TENM3: variants seen among roughly 807,000 people sequenced by gnomAD.
TENM3 encodes the protein teneurin-3.
A neutral mutation model predicts 255.1 loss-of-function variants in TENM3; 63 were observed. The observed-to-expected ratio is 0.25, with a 90% confidence interval of 0.20 to 0.30. The LOEUF (loss-of-function observed/expected upper bound fraction) is 0.30, where lower values mean the gene tolerates loss of function less well. TENM3 is among the 10% of genes least tolerant of loss of function. The pLI is 1.00. For synonymous variants in TENM3, 1,306 were observed against 1,322.3 expected, an observed-to-expected ratio of 0.99 and a Z score of 0.27; for missense variants, 2,929 against 3,461.1, an observed-to-expected ratio of 0.85 and a Z score of 3.86.
In TENM3 at chr4:182,793,260, C is replaced by G. The variant is rs772072490; in HGVS notation, c.6588C>G (p.Phe2196Leu). 1 of 1,613,886 alleles carries G rather than the reference C, an allele frequency of 6.2e-7. No homozygotes were observed. Among genetic ancestry groups the G allele is most frequent in the South Asian group, 1.1e-5 (1 of 91,064 alleles). ...AATATCGGTTGGATGAAGATGGTTT[C>G]CTACGTCAAAGGGGCACGGAAATCT... ...DVQYRLDEDG[F>L]LRQRGTEIFE... The change falls in exon 26 of 28, where the codon TTC becomes TTG. Residue 2196 changes from phenylalanine (F) to leucine (L), a missense_variant. Around this residue, in one of 6 missense-constraint regions of TENM3, gnomAD observed 256 missense variants for 389.3 expected, o/e 0.66. Coordinates refer to ENST00000511685, the MANE Select transcript of TENM3 (RefSeq NM_001080477.4). The surrounding 1 kb of genome is among the most constrained non-coding windows in gnomAD (Gnocchi z 5.7).
At chr4:182,635,846 C>T (rs10520539) in intron 5 of TENM3, among the ~76,000 whole-genome samples, 88,052 of 151,952 alleles carry the variant, frequency 0.58, 26,250 homozygotes, top group Non-Finnish European at 0.65. Context: ...TTTATGAACA[C>T]TTTTACCTCT....
At chr4:182,546,423 C>A (rs1038258742) in intron 3 of TENM3, among the ~76,000 whole-genome samples, 8 of 144,584 alleles carry the variant, frequency 5.5e-5, no homozygotes, top group Non-Finnish European at 3.0e-5. Flanking sequence ...CTCAATTAGA[C>A]ATTTACCATT....
At chr4:182,300,040 A>G (rs2150364223) in intron 1 of TENM3, among the ~76,000 whole-genome samples, 1 of 151,642 alleles carries the variant, frequency 6.6e-6, no homozygotes, top group Middle Eastern at 3.4e-3. Flanking sequence ...CTCAGCCTCT[A>G]GAGTAGCTGG....
At chr4:181,878,085 T>G in the TENM3 span, among the ~76,000 whole-genome samples, 1 of 152,178 alleles carries the variant, frequency 6.6e-6, no homozygotes, top group African/African-American at 2.4e-5. Context: ...CCAGACATAT[T>G]GTTCAGTCCT....
chr4:182,753,523 A>T lies in TENM3; in HGVS notation c.3936A>T (p.Gly1312=). ...GTMIRKVDQN[G]IISTLLGSND... Reference sequence around the variant, plus strand: ...TGATTAGGAAAGTTGACCAAAATGGAATCATATCAACTCTTCTGGGCTCTA... The same window carrying T: ...TGATTAGGAAAGTTGACCAAAATGGTATCATATCAACTCTTCTGGGCTCTA... Residue 1312 remains glycine (G), a synonymous_variant, in exon 21 of 28, where the codon GGA becomes GGT. Coordinates refer to ENST00000511685, the MANE Select transcript of TENM3 (RefSeq NM_001080477.4). The T allele has an allele frequency of 6.2e-7, 1 of 1,613,940 alleles. No individual in the cohort carries two copies. Among genetic ancestry groups the T allele is most frequent in the Non-Finnish European group, 8.5e-7 (1 of 1,179,830 alleles).
chr4:182,209,681 TG>T (rs1239671357), intron 1 of TENM3, among the ~76,000 whole-genome samples: 1 of 152,060 alleles, frequency 6.6e-6, no homozygotes, highest in African/African-American at 2.4e-5. Flanking sequence ...TACCATTTGA[TG>T]GGGGTATTAA....
At position 182,324,085 on chromosome 4, in the gene TENM3, G is replaced by A. The variant is rs1763236537; in HGVS notation, c.65G>A (p.Arg22His). Residue 22 changes from arginine (R) to histidine (H), a missense_variant, in exon 2 of 28, where the codon CGC becomes CAC. Coordinates refer to ENST00000511685, the MANE Select transcript of TENM3 (RefSeq NM_001080477.4). ...AAGAGCAGACGAGAGAAGGAACGGCGCTACACAAATTCCTCCGCAGACAAT... is the reference window on the plus strand; with the variant it reads ...AAGAGCAGACGAGAGAAGGAACGGCACTACACAAATTCCTCCGCAGACAAT... ...LTKSRREKER[R>H]YTNSSADNEE... 6 of 1,613,844 alleles carry A rather than the reference G, an allele frequency of 3.7e-6. No homozygotes were observed. Among genetic ancestry groups the A allele is most frequent in the Non-Finnish European group, 4.2e-6 (5 of 1,179,900 alleles).
At chr4:182,042,722 C>G in the TENM3 span, among the ~76,000 whole-genome samples, 1 of 152,058 alleles carries the variant, frequency 6.6e-6, no homozygotes, top group Non-Finnish European at 1.5e-5. Context: ...CATTCAAAGA[C>G]AATATATTAA....
At chr4:182,113,242 A>T in the TENM3 span, among the ~76,000 whole-genome samples, 1 of 152,222 alleles carries the variant, frequency 6.6e-6, no homozygotes, top group East Asian at 1.9e-4. Flanking sequence ...TAATAGACTT[A>T]AAGATTTCAT....
chr4:181,595,771 A>G, the TENM3 span, among the ~76,000 whole-genome samples: 4 of 152,144 alleles, frequency 2.6e-5, no homozygotes, highest in East Asian at 7.8e-4. Context: ...TGTCCCACAC[A>G]GTAGGTGCAT....
intron 12 of TENM3, among the ~76,000 whole-genome samples, chr4:182,694,393 C>T (rs1428341852): frequency 6.6e-6 from 1 of 152,126 alleles, no homozygotes; most frequent in African/African-American, 2.4e-5. Context: ...GGATTATAAG[C>T]ATGAGCCACC....
chr4:181,593,330 A>G, the TENM3 span, among the ~76,000 whole-genome samples: 4 of 152,344 alleles, frequency 2.6e-5, no homozygotes, highest in African/African-American at 9.6e-5. Flanking sequence ...TGTGCTGGAA[A>G]TGAACGTGGA....
chr4:181,473,846 T>TAC, the TENM3 span, among the ~76,000 whole-genome samples: 8 of 145,710 alleles, frequency 5.5e-5, no homozygotes, highest in Admixed American at 2.1e-4. Flanking sequence ...TATATATATA[T>TAC]ACAGTATATA....
intron 13 of TENM3, among the ~76,000 whole-genome samples, chr4:182,722,138 T>C (rs1759786336): frequency 6.6e-6 from 1 of 152,202 alleles, no homozygotes; most frequent in Non-Finnish European, 1.5e-5. Context: ...AGATGAGACA[T>C]AGTGTTACAG....
the TENM3 span, among the ~76,000 whole-genome samples, chr4:182,059,514 T>A: frequency 4.6e-5 from 7 of 151,792 alleles, no homozygotes; most frequent in African/African-American, 1.5e-4. Context: ...GGTGCTCTAC[T>A]GGAAGGGAAG....
At chr4:182,420,073 T>C (rs964538316) in intron 3 of TENM3, among the ~76,000 whole-genome samples, 10 of 151,976 alleles carry the variant, frequency 6.6e-5, no homozygotes, top group South Asian at 2.1e-4. Context: ...GGTGAGGACA[T>C]TGAGGTTAAC....
intron 6 of TENM3, among the ~76,000 whole-genome samples, chr4:182,665,450 A>G (rs894476018): frequency 6.6e-6 from 1 of 152,206 alleles, no homozygotes. Flanking sequence ...TGCAAACACA[A>G]CATCCACTCT....
chr4:182,776,504 G>A (rs529513987), intron 24 of TENM3, among the ~76,000 whole-genome samples: 1 of 152,324 alleles, frequency 6.6e-6, no homozygotes, highest in South Asian at 2.1e-4. Context: ...GGAAAGGGCT[G>A]TTGAGCTTGC....
the TENM3 span, among the ~76,000 whole-genome samples, chr4:181,623,557 C>G: frequency 2.0e-5 from 3 of 152,212 alleles, no homozygotes; most frequent in Admixed American, 2.0e-4. Context: ...AAGGCAATGA[C>G]TCATGAAACT....
Sources: gnomAD v4.1 joint callset for allele counts (sites outside exome capture counted in the v4.1 genomes callset) on GRCh38, gnomAD v4.1.1 for gene constraint, gnomAD v4.1.1 regional missense constraint, Gnocchi (gnomAD v3.1) non-coding constraint, MANE v1.5 for transcripts, NCBI Gene and HGNC (gene_info 2026-07-23, HGNC 2026-07-21) for gene names.